PARD3B: variants seen among roughly 807,000 people sequenced by gnomAD.
The protein encoded by PARD3B is par-3 family cell polarity regulator beta.
In PARD3B, 103 loss-of-function variants were observed where a neutral mutation model predicts 130.2. The ratio of observed to expected loss-of-function variants is 0.79; its 90% CI spans 0.67 to 0.93. The LOEUF is 0.93. Ranked by LOEUF, PARD3B falls within the 40% of genes least tolerant of loss-of-function variation. The pLI is 0.00. For missense variants in PARD3B, 1,609 were observed against 1,499.2 expected, an observed-to-expected ratio of 1.07 and a Z score of -1.21; for synonymous variants, 583 against 553.2, an observed-to-expected ratio of 1.05 and a Z score of -0.76.
chr2:205,393,537 C>T (rs2045927947), intron 18 of PARD3B, among the ~76,000 whole-genome samples: 1 of 152,206 alleles, frequency 6.6e-6, no homozygotes, highest in Non-Finnish European at 1.5e-5. Context: ...AGGAGATATA[C>T]AGACTTTGTT....
chr2:204,559,786 C>A (rs1252436518), intron 1 of PARD3B, among the ~76,000 whole-genome samples: 4 of 152,136 alleles, frequency 2.6e-5, no homozygotes, highest in Admixed American at 2.0e-4. Context: ...TTGCAACCAA[C>A]CCAAATGTCC....
chr2:205,152,211 CT>C (rs1267905575), intron 10 of PARD3B, among the ~76,000 whole-genome samples: 1 of 152,134 alleles, frequency 6.6e-6, no homozygotes, highest in African/African-American at 2.4e-5. Context: ...TCATTTCAAC[CT>C]TGGTGAATCT....
At chr2:204,608,941 C>T (rs2033827388) in intron 1 of PARD3B, among the ~76,000 whole-genome samples, 1 of 152,148 alleles carries the variant, frequency 6.6e-6, no homozygotes, top group Admixed American at 6.5e-5. Flanking sequence ...ACTTTGTCTC[C>T]CTGTAGCATA....
chr2:205,553,473 A>G (rs2052740519), intron 22 of PARD3B, 70 bp downstream of exon 22: 1 of 1,485,410 alleles, frequency 6.7e-7, no homozygotes, highest in Admixed American at 1.7e-5. Context: ...TCTACATGAA[A>G]TAGAAATTCT....
At chr2:205,058,924 A>G (rs1350027030) in intron 4 of PARD3B, among the ~76,000 whole-genome samples, 2 of 149,084 alleles carry the variant, frequency 1.3e-5, no homozygotes, top group African/African-American at 4.9e-5. Context: ...TTGTGCAGAC[A>G]TTTTTAATTT....
chr2:205,500,218 C>A (rs371064106), intron 21 of PARD3B, among the ~76,000 whole-genome samples, 187 bp downstream of exon 21: 1 of 152,096 alleles, frequency 6.6e-6, no homozygotes, highest in Non-Finnish European at 1.5e-5. Flanking sequence ...AATCAAACGC[C>A]GTGAACGTGC....
rs200491232 is a variant in PARD3B at position 205,010,732 on chromosome 2, A to AT, written c.395-36840dup. Among the ~76,000 whole-genome samples, 475 of 151,210 alleles carry AT rather than the reference A, an allele frequency of 3.1e-3. 2 individuals are homozygous for AT. The highest frequency in any genetic ancestry group is 9.7e-3 in the African/African-American group (401 of 41,218). ...TTCTCTTTTTACATTCCAGACATGG[A>AT]TTTTTTTTTCTCTGTGGAAACTTTT... On this transcript the variant is annotated intron_variant, in intron 3 of 22. Coordinates refer to ENST00000406610, the MANE Select transcript of PARD3B (RefSeq NM_001302769.2).
At chr2:205,148,591 G>T (rs1258134414) in intron 10 of PARD3B, among the ~76,000 whole-genome samples, 1 of 152,138 alleles carries the variant, frequency 6.6e-6, no homozygotes. Flanking sequence ...AATTTATTTA[G>T]CTGTAACAAA....
intron 1 of PARD3B, among the ~76,000 whole-genome samples, chr2:204,571,481 C>T (rs1409807255): frequency 2.0e-5 from 3 of 152,160 alleles, no homozygotes; most frequent in Non-Finnish European, 4.4e-5. Context: ...TTGTAATTAA[C>T]TGTGTGTATG....
intron 9 of PARD3B, 129 bp downstream of exon 9, chr2:205,124,595 T>G: frequency 1.5e-6 from 1 of 656,804 alleles, no homozygotes; most frequent in Non-Finnish European, 2.0e-6. Context: ...TAAAAATTAT[T>G]ACTTATAGAC....
chr2:205,583,022 A>G (rs1288825222), intron 22 of PARD3B, among the ~76,000 whole-genome samples: 2 of 152,192 alleles, frequency 1.3e-5, no homozygotes, highest in East Asian at 1.9e-4. Context: ...TTGTATAGAA[A>G]TATAAGTTAA....
intron 20 of PARD3B, among the ~76,000 whole-genome samples, chr2:205,454,043 T>C (rs891947570): frequency 2.6e-5 from 4 of 152,118 alleles, no homozygotes; most frequent in African/African-American, 9.7e-5. Flanking sequence ...TTAAAAAAAT[T>C]ATATGTATGT....
At position 204,967,884 on chromosome 2, in the gene PARD3B, C is replaced by T. The variant is rs1005523589; in HGVS notation, c.394+2561C>T. Among the ~76,000 whole-genome samples the T allele has an allele frequency of 6.6e-6, 1 of 152,068 alleles. No homozygotes were observed. Among genetic ancestry groups the T allele is most frequent in the Non-Finnish European group, 1.5e-5 (1 of 68,022 alleles). On this transcript the variant is annotated intron_variant, in intron 3 of 22. Transcript: ENST00000406610. This position sits in a 1 kb window ranked among gnomAD's most constrained non-coding sequence, Gnocchi z 4.4. ...TGACCTGGCTGTCCTGTCTGGTCCA[C>T]CCTGAAAGCCTGCTTAGGTGAAGAA...
chr2:205,388,117 G>A (rs1299530912), intron 18 of PARD3B, among the ~76,000 whole-genome samples: 2 of 152,120 alleles, frequency 1.3e-5, no homozygotes, highest in African/African-American at 4.8e-5. Context: ...ACCCCATCTG[G>A]AATGTTCCAC....
At chr2:205,255,838 C>T (rs562188729) in intron 16 of PARD3B, among the ~76,000 whole-genome samples, 10 of 152,246 alleles carry the variant, frequency 6.6e-5, no homozygotes, top group Non-Finnish European at 1.3e-4. Flanking sequence ...TTTCCAAACC[C>T]TGTGCTCTTG....
chr2:205,307,002 G>A (rs2105921325), intron 18 of PARD3B, among the ~76,000 whole-genome samples: 1 of 152,334 alleles, frequency 6.6e-6, no homozygotes, highest in Non-Finnish European at 1.5e-5. Context: ...ATGCTCTCCT[G>A]AAGATAGGGT....
At chr2:204,784,007 T>A (rs1284041786) in intron 2 of PARD3B, among the ~76,000 whole-genome samples, 1 of 152,074 alleles carries the variant, frequency 6.6e-6, no homozygotes, top group African/African-American at 2.4e-5. Context: ...AGTTCCTGGG[T>A]TCAGAAGTGT....
At chr2:205,144,733 C>A (rs2125680688) in intron 10 of PARD3B, among the ~76,000 whole-genome samples, 1 of 151,786 alleles carries the variant, frequency 6.6e-6, no homozygotes. Context: ...TGGTTGTTAC[C>A]CACTGAGATT....
At chr2:205,377,502 G>A (rs1022703741) in intron 18 of PARD3B, among the ~76,000 whole-genome samples, 1 of 152,022 alleles carries the variant, frequency 6.6e-6, no homozygotes, top group Non-Finnish European at 1.5e-5. Context: ...GGAGGGAAGA[G>A]GGAAAGAACC....
Sources: allele counts gnomAD v4.1 joint callset (sites outside exome capture counted in the v4.1 genomes callset), GRCh38; gene constraint gnomAD v4.1.1; non-coding constraint Gnocchi (gnomAD v3.1); transcripts MANE v1.5; gene names NCBI Gene and HGNC (gene_info 2026-07-23, HGNC 2026-07-21).